Variants in OLFM2 observed in about 807,000 individuals in gnomAD.
OLFM2 encodes noelin-2.
In OLFM2, 20 loss-of-function variants were observed where a neutral mutation model predicts 43.9. That is an observed-to-expected ratio of 0.46 (90% CI 0.32 to 0.66). The LOEUF is 0.66. Among genes scored for constraint, OLFM2 ranks in the 30% least tolerant of loss-of-function variants. OLFM2 has a pLI of 0.04. For synonymous variants in OLFM2, 268 were observed against 278.6 expected (o/e 0.96, Z 0.38); for missense variants, 416 against 643.6 (o/e 0.65, Z 3.83).
chr19:9,862,828 A>G (rs2046373725), intron 1 of OLFM2, among the ~76,000 whole-genome samples: 1 of 152,036 alleles, frequency 6.6e-6, no homozygotes, highest in African/African-American at 2.4e-5. Flanking sequence ...TACAAAAATT[A>G]GCCGGGCATG....
intron 1 of OLFM2, among the ~76,000 whole-genome samples, chr19:9,897,700 T>A (rs1307349770): frequency 6.6e-6 from 1 of 151,884 alleles, no homozygotes; most frequent in Non-Finnish European, 1.5e-5. Flanking sequence ...AGGTGGGGAA[T>A]AATAATTCAG....
intron 1 of OLFM2, among the ~76,000 whole-genome samples, chr19:9,870,322 C>G (rs2046432405): frequency 6.6e-6 from 1 of 152,124 alleles, no homozygotes; most frequent in Admixed American, 6.5e-5. Flanking sequence ...AAGGATCTGG[C>G]AAAGTCTCAT....
intron 1 of OLFM2, among the ~76,000 whole-genome samples, chr19:9,915,611 G>A (rs183618857): frequency 1.2e-3 from 185 of 151,918 alleles, no homozygotes; most frequent in African/African-American, 4.1e-3. Flanking sequence ...TCTGCCTCCC[G>A]GGTTCAGGCC....
intron 1 of OLFM2, among the ~76,000 whole-genome samples, chr19:9,870,737 G>A (rs1449458364): frequency 7.2e-5 from 11 of 152,132 alleles, no homozygotes; most frequent in Admixed American, 7.2e-4. Context: ...TCCAAAAGCA[G>A]TCTTGGTGGT....
chr19:9,883,865 C>T (rs1041974688), intron 1 of OLFM2, among the ~76,000 whole-genome samples: 5 of 152,156 alleles, frequency 3.3e-5, no homozygotes, highest in African/African-American at 1.2e-4. Context: ...TGACTTAAGC[C>T]TCATGGTGCG....
chr19:9,854,104 C>T lies in OLFM2; in HGVS notation c.*82G>A, dbSNP rs1317279050. The T allele has an allele frequency of 3.9e-6, 5 of 1,288,390 alleles. No homozygotes were observed. The highest frequency in any genetic ancestry group is 3.3e-6 in the Non-Finnish European group (3 of 899,888). 79.8% of individuals were successfully genotyped at this position (1,288,390 alleles called of 1,614,324 possible). Reference sequence around the variant, plus strand: ...GGGCGTGACAGAGACAGAGAGATCACCCTTGAGGGACACAGGCAGAATGAA... The same window carrying T: ...GGGCGTGACAGAGACAGAGAGATCATCCTTGAGGGACACAGGCAGAATGAA... On this transcript the variant is annotated 3_prime_UTR_variant, in exon 6 of 6. Coordinates refer to ENST00000264833, the MANE Select transcript of OLFM2 (RefSeq NM_058164.4). The surrounding 1 kb of genome is among the most constrained non-coding windows in gnomAD (Gnocchi z 9.5).
intron 1 of OLFM2, among the ~76,000 whole-genome samples, chr19:9,910,216 TTAA>T (rs1307452139): frequency 6.6e-6 from 1 of 151,962 alleles, no homozygotes; most frequent in African/African-American, 2.4e-5. Context: ...AATAATAATA[TTAA>T]TAATAATAAC....
intron 5 of OLFM2, among the ~76,000 whole-genome samples, chr19:9,855,071 C>T (rs779320191): frequency 3.9e-5 from 6 of 152,080 alleles, no homozygotes; most frequent in Admixed American, 6.5e-5. Context: ...ATTCAAGTGA[C>T]GTCTTATCAC....
intron 2 of OLFM2, chr19:9,858,148 C>T: frequency 2.0e-6 from 1 of 508,884 alleles, no homozygotes; most frequent in Middle Eastern, 5.6e-4. Flanking sequence ...CAATTCTCTA[C>T]ACAGCAGACA....
rs185447429 is a variant in OLFM2, at chr19:9,892,941, A to G, written c.64-32147T>C. ...CAGCCCTGGTCCATCTCAGGATTCA[A>G]GTTAAACTCTGGTCTATCTCAGTAC... On this transcript the variant is annotated intron_variant, in intron 1 of 5. Coordinates refer to ENST00000264833, the MANE Select transcript of OLFM2 (RefSeq NM_058164.4). Among the ~76,000 whole-genome samples the G allele has an allele frequency of 3.4e-3, 516 of 152,262 alleles. 2 individuals carry two copies. The highest frequency in any genetic ancestry group is 4.7e-3 in the Non-Finnish European group (317 of 68,018).
At chr19:9,926,788 T>A (rs1458372489) in intron 1 of OLFM2, among the ~76,000 whole-genome samples, 1 of 151,594 alleles carries the variant, frequency 6.6e-6, no homozygotes, top group East Asian at 1.9e-4. Context: ...AAGACCGGCC[T>A]GGACAATATA....
chr19:9,899,190 G>C (rs1490405190), intron 1 of OLFM2, among the ~76,000 whole-genome samples: 1 of 151,810 alleles, frequency 6.6e-6, no homozygotes, highest in Non-Finnish European at 1.5e-5. Flanking sequence ...ACTTGAACCC[G>C]GGAGGTGGAG....
At chr19:9,873,621 CTTTT>C (rs889921009) in intron 1 of OLFM2, among the ~76,000 whole-genome samples, 23 of 151,870 alleles carry the variant, frequency 1.5e-4, no homozygotes, top group African/African-American at 5.3e-4. Flanking sequence ...CACCCTGATA[CTTTT>C]TTTATTTTTA....
At chr19:9,936,165 C>T in intron 1 of OLFM2, 139 bp downstream of exon 1, 2 of 909,022 alleles carry the variant, frequency 2.2e-6, no homozygotes, top group Non-Finnish European at 3.2e-6. Context: ...GGCCCCTCCC[C>T]CGCTGCGACC....
At chr19:9,873,594 A>C (rs1322422206) in intron 1 of OLFM2, among the ~76,000 whole-genome samples, 1 of 152,084 alleles carries the variant, frequency 6.6e-6, no homozygotes, top group East Asian at 1.9e-4. Context: ...AGCTGAGACC[A>C]CAGGTGTGTG....
At chr19:9,888,588 C>G (rs1324085458) in intron 1 of OLFM2, among the ~76,000 whole-genome samples, 1 of 151,838 alleles carries the variant, frequency 6.6e-6, no homozygotes, top group Non-Finnish European at 1.5e-5. Context: ...TGCCCCAGCA[C>G]CCCCCATCCA....
At chr19:9,890,333 T>G in intron 1 of OLFM2, among the ~76,000 whole-genome samples, 1 of 151,578 alleles carries the variant, frequency 6.6e-6, no homozygotes, top group East Asian at 1.9e-4. Flanking sequence ...GACAGGGAGA[T>G]CCCCCTGATG....
intron 1 of OLFM2, among the ~76,000 whole-genome samples, chr19:9,931,764 TTG>T (rs2086484086): frequency 6.6e-6 from 1 of 151,968 alleles, no homozygotes; most frequent in African/African-American, 2.4e-5. Flanking sequence ...AGATGGGATC[TTG>T]CTGTATTGCC....
chr19:9,861,028 C>A (rs945936275), intron 1 of OLFM2, among the ~76,000 whole-genome samples: 1 of 152,054 alleles, frequency 6.6e-6, no homozygotes, highest in African/African-American at 2.4e-5. Context: ...GGACTCAAAT[C>A]TTCTCCAAGA....
Sources: allele counts gnomAD v4.1 joint callset (sites outside exome capture counted in the v4.1 genomes callset), GRCh38; gene constraint gnomAD v4.1.1; non-coding constraint Gnocchi (gnomAD v3.1); transcripts MANE v1.5; gene names NCBI Gene and HGNC (gene_info 2026-07-23, HGNC 2026-07-21).